WIZ: variants seen among roughly 807,000 people sequenced by gnomAD.
WIZ encodes protein Wiz.
A neutral mutation model predicts 140.2 loss-of-function variants in WIZ; 25 were observed. The ratio of observed to expected loss-of-function variants is 0.18; its 90% CI spans 0.13 to 0.25. The LOEUF is 0.25. Ranked by LOEUF, WIZ falls within the 10% of genes least tolerant of loss-of-function variation. The pLI, the probability that WIZ is intolerant of heterozygous loss-of-function variation, is 1.00. For synonymous variants in WIZ, 1,125 were observed against 1,154.3 expected, an observed-to-expected ratio of 0.97 and a Z score of 0.51; for missense variants, 2,231 against 2,632.6, an observed-to-expected ratio of 0.85 and a Z score of 3.34.
Position 15,440,640 on chromosome 19 carries a change from G to T in WIZ, c.354C>A (p.Thr118=). 1 of 1,529,940 alleles carries T rather than the reference G, an allele frequency of 6.5e-7. No homozygotes were observed. Among genetic ancestry groups the T allele is most frequent in the Non-Finnish European group, 8.8e-7 (1 of 1,141,986 alleles). The allele number at this position is 1,529,940 out of a possible 1,614,324, so 94.8% of individuals were successfully genotyped here. Reference sequence around the variant, plus strand: ...GCTCCCAGGGCCCCCGGCCATCAGGGGTACCTGGGAAATGGCCCAGGAGAT... The same window carrying T: ...GCTCCCAGGGCCCCCGGCCATCAGGTGTACCTGGGAAATGGCCCAGGAGAT... ...PPHLLGHFPG[T]PDGRGPWEHP... The change falls in exon 4 of 13, where the codon ACC becomes ACA. Residue 118 remains threonine, a synonymous_variant. Transcript: ENST00000673675. The surrounding 1 kb of genome is among the most constrained non-coding windows in gnomAD (Gnocchi z 6.2).
In WIZ at chr19:15,428,157, G is replaced by A; in HGVS notation, c.3767C>T (p.Ala1256Val). Residue 1256 changes from alanine (A) to valine (V), a missense_variant, in exon 8 of 13, where the codon GCC becomes GTC. Ala to Val is a moderately conservative substitution (Grantham distance 64). Coordinates refer to ENST00000673675, the MANE Select transcript of WIZ (RefSeq NM_001371589.1). The surrounding 1 kb of genome is among the most constrained non-coding windows in gnomAD (Gnocchi z 6.4). ...GKQDLSAAAA[A>V]GIFWASDVEP... ...CACATCAGAGGCCCAGAAAATGCCGGCGGCTGCGGCGGCCGAGAGGTCCTG... is the reference window on the plus strand; with the variant it reads ...CACATCAGAGGCCCAGAAAATGCCGACGGCTGCGGCGGCCGAGAGGTCCTG... The A allele has an allele frequency of 6.5e-7, 1 of 1,534,478 alleles. No homozygotes were observed. The highest frequency in any genetic ancestry group is 8.7e-7 in the Non-Finnish European group (1 of 1,146,758).
chr19:15,437,769 A>G (rs1969570663), intron 4 of WIZ, among the ~76,000 whole-genome samples: 1 of 152,246 alleles, frequency 6.6e-6, no homozygotes, highest in African/African-American at 2.4e-5. Flanking sequence ...TGATCACGCA[A>G]GTGCTGTAAA....
chr19:15,423,512 C>G (rs1329749501), intron 12 of WIZ, among the ~76,000 whole-genome samples: 1 of 152,184 alleles, frequency 6.6e-6, no homozygotes, highest in Non-Finnish European at 1.5e-5. Context: ...CCCCTGCCAT[C>G]TGGCAGATAC....
At position 15,427,443 on chromosome 19, in the gene WIZ, G is replaced by T; in HGVS notation, c.3905C>A (p.Ser1302Tyr). 1 of 1,613,702 alleles carries T rather than the reference G, an allele frequency of 6.2e-7. No homozygotes were observed. Among genetic ancestry groups the T allele is most frequent in the Non-Finnish European group, 8.5e-7 (1 of 1,180,026 alleles). ...NRKGLSSHARSHLRQMGVTEW... is the reference protein window; with the variant it reads ...NRKGLSSHARYHLRQMGVTEW... The stretch of plus-strand genomic sequence containing the variant: ...GGTCACGCCCATTTGCCGCAGATGG[G>T]AGCGCGCGTGGCTCGAGAGGCCCTT... The change falls in exon 9 of 13, where the codon TCC (serine) becomes TAC (tyrosine). Residue 1302 changes from serine to tyrosine, a missense_variant. Physicochemically the swap from Ser to Tyr is moderately radical, Grantham distance 144. Around this residue, in one of 15 missense-constraint regions of WIZ, gnomAD observed 10 missense variants for 36.3 expected, o/e 0.28. Transcript: ENST00000673675. This position sits in a 1 kb window ranked among gnomAD's most constrained non-coding sequence, Gnocchi z 6.4.
rs563450407 is a variant in WIZ, at chr19:15,421,315, G to C, written c.*1761C>G. ...GCGTCCTGACCCCACAGGAGCAGAC[G>C]TGTGGGCCAAGACCACCCTTGTGGG... On this transcript the variant is annotated 3_prime_UTR_variant, in exon 13 of 13. Transcript: ENST00000673675. 4.6e-5 allele frequency: 7 copies of C among 152,232 alleles called. No homozygotes were observed. The highest frequency in any genetic ancestry group is 3.2e-3 in the Middle Eastern group (1 of 316). The allele number at this position is 152,232 out of a possible 1,614,324, so 9.4% of individuals were successfully genotyped here. A position where few individuals can be genotyped will look rare whatever the true frequency, so the allele number is the denominator to read the frequency against.
intron 7 of WIZ, 96 bp downstream of exon 7, chr19:15,429,490 A>AC: frequency 3.6e-5 from 12 of 335,296 alleles, no homozygotes; most frequent in East Asian, 6.6e-5. Flanking sequence ...CACCGCCCCC[A>AC]CCCACCCTGG....
chr19:15,438,890 G>C lies in WIZ; in HGVS notation c.2104C>G (p.Pro702Ala), dbSNP rs1187983912. 2 of 1,452,754 alleles carry C rather than the reference G, an allele frequency of 1.4e-6. No individual in the cohort carries two copies. The allele number at this position is 1,452,754 out of a possible 1,614,324, so 90.0% of individuals were successfully genotyped here. A position where few individuals can be genotyped will look rare whatever the true frequency, so the allele number is the denominator to read the frequency against. Reference sequence around the variant, plus strand: ...CCCAGCTCCTCGGGCTGCAACCTTGGGGGCACCCTGGCTGCCGCCATGACC... The same window carrying C: ...CCCAGCTCCTCGGGCTGCAACCTTGCGGGCACCCTGGCTGCCGCCATGACC... ...PQVMAAARVPPRLQPEELGLA... is the reference protein window; with the variant it reads ...PQVMAAARVPARLQPEELGLA... The change falls in exon 4 of 13, where the codon CCA becomes GCA. Residue 702 changes from proline (P) to alanine (A), a missense_variant. Around this residue, in one of 15 missense-constraint regions of WIZ, gnomAD observed 475 missense variants for 520.2 expected, o/e 0.91. Coordinates refer to ENST00000673675, the MANE Select transcript of WIZ (RefSeq NM_001371589.1).
chr19:15,443,874 G>A (rs1969826547), intron 2 of WIZ, among the ~76,000 whole-genome samples: 1 of 152,120 alleles, frequency 6.6e-6, no homozygotes, highest in South Asian at 2.1e-4. Flanking sequence ...CCAGGCCTAT[G>A]TCCTGAAATC....
intron 6 of WIZ, among the ~76,000 whole-genome samples, chr19:15,430,403 C>G (rs532078913): frequency 3.7e-4 from 57 of 152,316 alleles, no homozygotes; most frequent in African/African-American, 1.3e-3. Context: ...GCCCTGGCAA[C>G]AGGTTCACAC....
Position 15,440,516 on chromosome 19 carries a change from C to T in WIZ, c.478G>A (p.Gly160Ser), listed in dbSNP as rs1969701573. 1 of 1,536,156 alleles carries T rather than the reference C, an allele frequency of 6.5e-7. No individual in the cohort carries two copies. The highest frequency in any genetic ancestry group is 8.7e-7 in the Non-Finnish European group (1 of 1,146,902). ...CGGTGGTGTAAGAACCTTCTAGAGC[C>T]CTCTAGCTCAGCGTGGGGTTTCATG... ...RTMKPHAELEGSRRFLHHRGE... is the reference protein window; with the variant it reads ...RTMKPHAELESSRRFLHHRGE... Residue 160 changes from glycine to serine, a missense_variant, in exon 4 of 13, where the codon GGC becomes AGC. Gly to Ser is a moderately conservative substitution (Grantham distance 56, BLOSUM62 0). Transcript: ENST00000673675. The surrounding 1 kb of genome is among the most constrained non-coding windows in gnomAD (Gnocchi z 6.2).
chr19:15,428,383 C>T lies in WIZ; in HGVS notation c.3541G>A (p.Ala1181Thr), dbSNP rs1460572556. 4 of 1,535,364 alleles carry T rather than the reference C, an allele frequency of 2.6e-6. No individual in the cohort carries two copies. Among genetic ancestry groups the T allele is most frequent in the Non-Finnish European group, 3.5e-6 (4 of 1,146,740 alleles). The change falls in exon 8 of 13, where the codon GCC becomes ACC. Residue 1181 changes from alanine to threonine, a missense_variant. By Grantham distance (58) the Ala-to-Thr change is moderately conservative. Transcript: ENST00000673675. The surrounding 1 kb of genome is among the most constrained non-coding windows in gnomAD (Gnocchi z 6.4). The stretch of plus-strand genomic sequence containing the variant: ...AGCACGTCTATGGGGGATCCCTTGG[C>T]GTCCGGATCGCTGACGCCCAGGTGG... ...LRHLGVSDPD[A>T]KGSPIDVLHG...
chr19:15,436,522 G>C (rs958712212), intron 5 of WIZ: 2 of 405,690 alleles, frequency 4.9e-6, no homozygotes, highest in African/African-American at 2.1e-5. Context: ...TGCTTAGAAC[G>C]ATGCCTGGCT....
intron 5 of WIZ, among the ~76,000 whole-genome samples, chr19:15,432,060 A>G (rs1969279625): frequency 1.3e-5 from 2 of 152,092 alleles, no homozygotes; most frequent in Admixed American, 1.3e-4. Flanking sequence ...AGCAAAGAGT[A>G]GGCGCTGAGG....
intron 2 of WIZ, among the ~76,000 whole-genome samples, chr19:15,445,249 C>T (rs1370838061): frequency 6.6e-6 from 1 of 152,220 alleles, no homozygotes; most frequent in Admixed American, 6.5e-5. Flanking sequence ...TGGGGTTCAA[C>T]TTGGTAGAGT....
At chr19:15,433,147 G>T in intron 5 of WIZ, 2 of 741,610 alleles carry the variant, frequency 2.7e-6, no homozygotes, top group Non-Finnish European at 3.3e-6. Flanking sequence ...TCTCCGAGTC[G>T]GGGATCCTGG....
intron 5 of WIZ, among the ~76,000 whole-genome samples, chr19:15,435,942 G>A (rs1969500525): frequency 6.6e-6 from 1 of 152,062 alleles, no homozygotes; most frequent in South Asian, 2.1e-4. Flanking sequence ...GGCCAACATG[G>A]TGAAAACCCA....
intron 6 of WIZ, among the ~76,000 whole-genome samples, chr19:15,430,741 G>A (rs2145287152): frequency 1.7e-5 from 1 of 58,604 alleles, no homozygotes; most frequent in South Asian, 5.2e-4. Flanking sequence ...CAGCAAATGA[G>A]CTGGGTCTGA....
intron 5 of WIZ, 42 bp downstream of exon 5, chr19:15,436,764 G>A: frequency 6.7e-7 from 1 of 1,503,654 alleles, no homozygotes; most frequent in Non-Finnish European, 8.8e-7. Context: ...CTGGGCCCCT[G>A]GGAAGGATGG....
intron 5 of WIZ, among the ~76,000 whole-genome samples, chr19:15,432,002 C>T (rs182615688): frequency 6.6e-6 from 1 of 152,138 alleles, no homozygotes; most frequent in African/African-American, 2.4e-5. Flanking sequence ...TGGGATGTAA[C>T]GGGGCAGGGG....
Sources: allele counts gnomAD v4.1 joint callset (sites outside exome capture counted in the v4.1 genomes callset), GRCh38; gene constraint gnomAD v4.1.1; regional missense constraint gnomAD v4.1.1; non-coding constraint Gnocchi (gnomAD v3.1); transcripts MANE v1.5; gene names NCBI Gene and HGNC (gene_info 2026-07-23, HGNC 2026-07-21).